Variants in GRIN2B observed in about 807,000 individuals in gnomAD.
GRIN2B encodes the protein glutamate receptor ionotropic, NMDA 2B.
In GRIN2B, 5 loss-of-function variants were observed where a neutral mutation model predicts 114.5. That is an observed-to-expected ratio of 0.04 (90% CI 0.02 to 0.09). The LOEUF is 0.09. Among genes scored for constraint, GRIN2B ranks in the 10% least tolerant of loss-of-function variants. GRIN2B has a pLI of 1.00. For synonymous variants in GRIN2B, 787 were observed against 745.1 expected (o/e 1.06, Z -0.92); for missense variants, 1,108 against 1,943.5 (o/e 0.57, Z 8.08).
intron 2 of GRIN2B, among the ~76,000 whole-genome samples, chr12:13,902,551 C>T (rs1257161194): frequency 6.6e-6 from 1 of 152,040 alleles, no homozygotes; most frequent in African/African-American, 2.4e-5. Flanking sequence ...TGGCTCATGC[C>T]GATAATCCTA....
intron 4 of GRIN2B, among the ~76,000 whole-genome samples, chr12:13,705,409 G>T (rs7967590): frequency 0.15 from 23,351 of 152,118 alleles, 2,397 homozygotes; most frequent in African/African-American, 0.29. Context: ...ATAAGGCATA[G>T]TGTCTTGTAT....
chr12:13,587,596 C>G (rs1316013090), intron 10 of GRIN2B, among the ~76,000 whole-genome samples: 3 of 152,268 alleles, frequency 2.0e-5, no homozygotes, highest in African/African-American at 7.2e-5. Context: ...CTCAAGTGAT[C>G]TTCTCACCTC....
At position 13,750,674 on chromosome 12, in the gene GRIN2B, A is replaced by G. The variant is rs79008896; in HGVS notation, c.1010+2643T>C. On this transcript the variant is annotated intron_variant, in intron 4 of 13. Coordinates refer to ENST00000609686, the MANE Select transcript of GRIN2B (RefSeq NM_000834.5). Reference sequence around the variant, plus strand: ...AGCTACAGAACTGAATCAACAGTACATTTTTCAAGGGAATCTTTATTATCT... The same window carrying G: ...AGCTACAGAACTGAATCAACAGTACGTTTTTCAAGGGAATCTTTATTATCT... 7.5e-3 allele frequency among the ~76,000 whole-genome samples: 1,138 copies of G among 152,322 alleles called. 7 individuals are homozygous for G. The highest frequency in any genetic ancestry group is 0.014 in the Middle Eastern group (4 of 294).
chr12:13,590,589 T>A (rs1036726817), intron 10 of GRIN2B, among the ~76,000 whole-genome samples: 1 of 152,210 alleles, frequency 6.6e-6, no homozygotes, highest in African/African-American at 2.4e-5. Flanking sequence ...TCATTTTTTT[T>A]ATGGCTGCAT....
chr12:13,929,679 A>G (rs1490027007), intron 2 of GRIN2B, among the ~76,000 whole-genome samples: 14 of 152,176 alleles, frequency 9.2e-5, no homozygotes, highest in African/African-American at 3.4e-4. Flanking sequence ...CCTAGGTCCA[A>G]TTTCCAAACT....
At chr12:13,942,447 T>C (rs1301008783) in intron 2 of GRIN2B, among the ~76,000 whole-genome samples, 1 of 152,198 alleles carries the variant, frequency 6.6e-6, no homozygotes. Context: ...TAAATGTAAT[T>C]CATTCCAAAT....
At chr12:13,632,346 A>G (rs543406776) in intron 5 of GRIN2B, among the ~76,000 whole-genome samples, 2 of 152,362 alleles carry the variant, frequency 1.3e-5, no homozygotes, top group African/African-American at 4.8e-5. Context: ...AGTACATGTC[A>G]ATCTGCAGGA....
At chr12:13,682,510 A>G (rs1950140625) in intron 4 of GRIN2B, among the ~76,000 whole-genome samples, 1 of 152,170 alleles carries the variant, frequency 6.6e-6, no homozygotes, top group East Asian at 1.9e-4. Context: ...CCATTAATTT[A>G]TTTTGCAAAC....
At chr12:13,879,669 C>T (rs1413099239) in intron 2 of GRIN2B, among the ~76,000 whole-genome samples, 3 of 152,302 alleles carry the variant, frequency 2.0e-5, no homozygotes, top group Admixed American at 6.5e-5. Flanking sequence ...GCTAGAATAG[C>T]ACATATATCA....
chr12:13,959,738 GAACA>G (rs2136859645), intron 2 of GRIN2B, among the ~76,000 whole-genome samples: 1 of 150,516 alleles, frequency 6.6e-6, no homozygotes, highest in South Asian at 2.1e-4. Flanking sequence ...GAAGGGAGAG[GAACA>G]GTGGGTTTCT....
At chr12:13,978,516 G>A (rs998097956) in intron 2 of GRIN2B, among the ~76,000 whole-genome samples, 11 of 152,150 alleles carry the variant, frequency 7.2e-5, no homozygotes, top group Non-Finnish European at 1.6e-4. Flanking sequence ...CATGTTGAGC[G>A]ACAAAGATCT....
chr12:13,806,407 A>AT (rs1864601420), intron 3 of GRIN2B, among the ~76,000 whole-genome samples: 1 of 152,138 alleles, frequency 6.6e-6, no homozygotes, highest in African/African-American at 2.4e-5. Flanking sequence ...ATTTTTCATA[A>AT]TAGCCATTTT....
chr12:13,789,362 G>A (rs756183862), intron 3 of GRIN2B, among the ~76,000 whole-genome samples: 5 of 152,176 alleles, frequency 3.3e-5, no homozygotes, highest in Admixed American at 2.6e-4. Context: ...CAGCAAAAAG[G>A]TTTCAGAAGA....
intron 2 of GRIN2B, among the ~76,000 whole-genome samples, chr12:13,924,421 G>A (rs1866880469): frequency 6.6e-6 from 1 of 152,180 alleles, no homozygotes; most frequent in Admixed American, 6.5e-5. Context: ...GAAAGGTGAG[G>A]GAGCTGCTAA....
chr12:13,583,408 A>G (rs1948878097), intron 10 of GRIN2B, among the ~76,000 whole-genome samples: 1 of 152,232 alleles, frequency 6.6e-6, no homozygotes, highest in Non-Finnish European at 1.5e-5. Flanking sequence ...GACAGTAAGT[A>G]ATTTGAATAA....
intron 5 of GRIN2B, among the ~76,000 whole-genome samples, chr12:13,661,772 A>G (rs1015840083): frequency 2.6e-5 from 4 of 152,198 alleles, no homozygotes; most frequent in African/African-American, 9.6e-5. Flanking sequence ...ATGTGAACGC[A>G]GTGTTGCCCA....
chr12:13,812,757 T>C (rs1864756130), intron 3 of GRIN2B, among the ~76,000 whole-genome samples: 1 of 152,234 alleles, frequency 6.6e-6, no homozygotes, highest in Non-Finnish European at 1.5e-5. Context: ...GTGTTTATTA[T>C]AGACACAAGG....
chr12:13,619,762 T>C (rs367797625), intron 5 of GRIN2B, among the ~76,000 whole-genome samples: 24 of 152,234 alleles, frequency 1.6e-4, no homozygotes, highest in Admixed American at 7.2e-4. Flanking sequence ...GAAGCTCACA[T>C]TTAATGTTTC....
In GRIN2B at chr12:13,560,590, A is replaced by C. The variant is rs945633863; in HGVS notation, c.*2193T>G. ...ACAGAGTCAGGGCGAAGCAGTGTTTACGTGGCCCTTCGCCTTCTTCCTCCT... is the reference window on the plus strand; with the variant it reads ...ACAGAGTCAGGGCGAAGCAGTGTTTCCGTGGCCCTTCGCCTTCTTCCTCCT... On this transcript the variant is annotated 3_prime_UTR_variant, in exon 14 of 14. Transcript: ENST00000609686. The C allele has an allele frequency of 4.6e-5, 7 of 152,188 alleles. No homozygotes were observed. The highest frequency in any genetic ancestry group is 1.7e-4 in the African/African-American group (7 of 41,426). The allele number at this position is 152,188 out of a possible 1,614,324, so 9.4% of individuals were successfully genotyped here.
Sources: gnomAD v4.1 joint callset for allele counts (sites outside exome capture counted in the v4.1 genomes callset) on GRCh38, gnomAD v4.1.1 for gene constraint, MANE v1.5 for transcripts, NCBI Gene and HGNC (gene_info 2026-07-23, HGNC 2026-07-21) for gene names.